Variants in SPTB observed in about 807,000 individuals in gnomAD.
SPTB encodes the protein spectrin beta, erythrocytic.
A neutral mutation model predicts 256.2 loss-of-function variants in SPTB; 45 were observed. That is an observed-to-expected ratio of 0.18 (90% CI 0.14 to 0.23). SPTB has a LOEUF of 0.23. SPTB is among the 10% of genes least tolerant of loss of function. SPTB has a pLI of 1.00. For missense variants in SPTB, 2,715 were observed against 3,040.4 expected (o/e 0.89, Z 2.52); for synonymous variants, 1,231 against 1,243.1 (o/e 0.99, Z 0.21).
intron 29 of SPTB, chr14:64,768,066 G>C (rs2082218758): frequency 1.6e-6 from 1 of 631,472 alleles, no homozygotes; most frequent in Non-Finnish European, 2.8e-6. Context: ...TTTAGAGGGA[G>C]GGCTTCAATC....
intron 12 of SPTB, 44 bp from the exon 13 acceptor site, chr14:64,794,661 G>C (rs745563986): frequency 2.5e-6 from 4 of 1,612,700 alleles, no homozygotes; most frequent in South Asian, 2.2e-5. Flanking sequence ...GAAGTGAAGA[G>C]ACCTACACAT....
At chr14:64,791,974 C>T (rs1026758736) in intron 14 of SPTB, 118 bp from the exon 15 acceptor site, 1 of 1,390,714 alleles carries the variant, frequency 7.2e-7, no homozygotes, top group Non-Finnish European at 9.9e-7. Flanking sequence ...ACTGCCTAAA[C>T]CATTTGCCCA....
At chr14:64,763,776 C>G in intron 32 of SPTB, 2 of 519,000 alleles carry the variant, frequency 3.9e-6, no homozygotes, top group South Asian at 2.8e-5. Context: ...AACGGATTGG[C>G]CTTTACCAGA....
Position 64,786,062 on chromosome 14 carries a change from C to A in SPTB, c.3562-111G>T. ...CCACACAGGCCACGGTATGAATGAG[C>A]CCCCTAGAGTAGTACAGGGAGGAGG... is the stretch of plus-strand genomic sequence containing the variant. On this transcript the variant is annotated intron_variant, in intron 16 of 35. Coordinates refer to ENST00000644917, the MANE Select transcript of SPTB (RefSeq NM_001355436.2). The surrounding 1 kb of genome is among the most constrained non-coding windows in gnomAD (Gnocchi z 5.6). 2 of 1,116,356 alleles carry A rather than the reference C, an allele frequency of 1.8e-6. No individual in the cohort carries two copies. The highest frequency in any genetic ancestry group is 1.3e-5 in the South Asian group (1 of 79,344). The allele number at this position is 1,116,356 out of a possible 1,614,324, so 69.2% of individuals were successfully genotyped here. A position where few individuals can be genotyped will look rare whatever the true frequency, so the allele number is the denominator to read the frequency against.
At position 64,785,694 on chromosome 14, in the gene SPTB, C is replaced by A. The variant is rs780101799; in HGVS notation, c.3764+55G>T. 6.2e-7 allele frequency: 1 copy of A among 1,613,176 alleles called. No homozygotes were observed. Among genetic ancestry groups the A allele is most frequent in the East Asian group, 2.2e-5 (1 of 44,850 alleles). ...TTGGGGTCCTCACCAAGCTTGGGGT[C>A]CTCACTACCCCCGTGTGGCTCTGGG... is the stretch of plus-strand genomic sequence containing the variant. On this transcript the variant is annotated intron_variant, in intron 17 of 35. Coordinates refer to ENST00000644917, the MANE Select transcript of SPTB (RefSeq NM_001355436.2). The surrounding 1 kb of genome is among the most constrained non-coding windows in gnomAD (Gnocchi z 4.4).
chr14:64,849,345 T>A (rs942857569), intron 1 of SPTB, among the ~76,000 whole-genome samples: 2 of 152,118 alleles, frequency 1.3e-5, no homozygotes, highest in African/African-American at 4.8e-5. Flanking sequence ...AGACGAGAGG[T>A]GGGTTAGCCC....
chr14:64,859,209 G>C (rs535593278), intron 1 of SPTB, among the ~76,000 whole-genome samples: 1 of 152,090 alleles, frequency 6.6e-6, no homozygotes, highest in Non-Finnish European at 1.5e-5. Flanking sequence ...AGCCAAGATC[G>C]CACCACTACA....
In SPTB at chr14:64,793,046, C is replaced by T. The variant is rs752212117; in HGVS notation, c.2617G>A (p.Glu873Lys). 1.5e-5 allele frequency: 25 copies of T among 1,613,870 alleles called. No individual in the cohort carries two copies. The highest frequency in any genetic ancestry group is 4.4e-5 in the South Asian group (4 of 91,094). ...WMGEKEKWLA[E>K]MEMPDTLEDL... Reference sequence around the variant, plus strand: ...TCCAGGGTGTCTGGCATTTCCATCTCGGCCAGCCACTTCTCCTTCTCTCCC... The same window carrying T: ...TCCAGGGTGTCTGGCATTTCCATCTTGGCCAGCCACTTCTCCTTCTCTCCC... Residue 873 changes from glutamate to lysine, a missense_variant, in exon 14 of 36, where the codon GAG becomes AAG. This residue lies in a region of SPTB where 2,239 missense variants were observed against 2,384.4 expected (regional missense o/e 0.94). Transcript: ENST00000644917. This position sits in a 1 kb window ranked among gnomAD's most constrained non-coding sequence, Gnocchi z 7.0.
chr14:64,829,880 T>C (rs12433757), intron 1 of SPTB, among the ~76,000 whole-genome samples: 13,155 of 152,174 alleles, frequency 0.086, 603 homozygotes, highest in African/African-American at 0.11. Flanking sequence ...ATAGGTAACC[T>C]GCCAGCCTTC....
At position 64,802,416 on chromosome 14, in the gene SPTB, C is replaced by T; in HGVS notation, c.475-99G>A. The T allele has an allele frequency of 4.5e-6, 5 of 1,103,798 alleles. No homozygotes were observed. Among genetic ancestry groups the T allele is most frequent in the Non-Finnish European group, 5.4e-6 (4 of 739,708 alleles). The allele number at this position is 1,103,798 out of a possible 1,614,324, so 68.4% of individuals were successfully genotyped here. On this transcript the variant is annotated intron_variant, in intron 4 of 35. Coordinates refer to ENST00000644917, the MANE Select transcript of SPTB (RefSeq NM_001355436.2). The surrounding 1 kb of genome is among the most constrained non-coding windows in gnomAD (Gnocchi z 5.1). ...GGCTCCCTCCCTCATCCCCCCTTCA[C>T]TTAACACTAATTCATCCTTTAAGAG...
chr14:64,767,840 G>A lies in SPTB; in HGVS notation c.6042C>T (p.Phe2014=). The change falls in exon 30 of 36, where the codon TTC becomes TTT. Residue 2014 remains phenylalanine, a synonymous_variant. Transcript: ENST00000644917. ...CCTCAGCCACAGAGGCATCCCTCGA[G>A]AACTGGCACACCTCCAGCACTGCCA... ...RLRMLLEVCQ[F]SRDASVAEAW... 6.2e-7 allele frequency: 1 copy of A among 1,613,970 alleles called. No homozygotes were observed. The highest frequency in any genetic ancestry group is 8.5e-7 in the Non-Finnish European group (1 of 1,179,948).
intron 15 of SPTB, among the ~76,000 whole-genome samples, chr14:64,789,825 A>G (rs2082639173): frequency 6.6e-6 from 1 of 152,226 alleles, no homozygotes; most frequent in Non-Finnish European, 1.5e-5. Flanking sequence ...GGAAAACTGG[A>G]AAGCAAGCGA....
intron 1 of SPTB, among the ~76,000 whole-genome samples, chr14:64,843,565 C>T (rs2083641396): frequency 6.6e-6 from 1 of 152,206 alleles, no homozygotes; most frequent in East Asian, 1.9e-4. Context: ...GTTTCCATCA[C>T]AACCCTTAGT....
In SPTB at chr14:64,793,226, A is replaced by G; in HGVS notation, c.2437T>C (p.Phe813Leu). 6.2e-7 allele frequency: 1 copy of G among 1,610,736 alleles called. No homozygotes were observed. The highest frequency in any genetic ancestry group is 1.1e-5 in the South Asian group (1 of 91,078). The change falls in exon 14 of 36, where the codon TTT (phenylalanine) becomes CTT (leucine). Residue 813 changes from phenylalanine to leucine, a missense_variant. By Grantham distance (22) the Phe-to-Leu change is conservative. This residue lies in a region of SPTB where 2,239 missense variants were observed against 2,384.4 expected (regional missense o/e 0.94). Transcript: ENST00000644917. This position sits in a 1 kb window ranked among gnomAD's most constrained non-coding sequence, Gnocchi z 7.0. Reference protein sequence around the residue: ...EQQAQGFPEEFRDSPDVTHRL... With the variant: ...EQQAQGFPEELRDSPDVTHRL... Reference sequence around the variant, plus strand: ...TGGGTCACATCTGGGGAATCCCGAAACTCTTCGGGGAATCCCTGGGCCTGC... The same window carrying G: ...TGGGTCACATCTGGGGAATCCCGAAGCTCTTCGGGGAATCCCTGGGCCTGC...
At chr14:64,769,796 C>G in intron 27 of SPTB, 68 bp from the exon 28 acceptor site, 1 of 1,605,860 alleles carries the variant, frequency 6.2e-7, no homozygotes, top group Non-Finnish European at 8.5e-7. Context: ...GTGTCCCAAC[C>G]AGAGGGGCCC....
At chr14:64,768,051 ATT>A in intron 29 of SPTB, 192 bp from the exon 30 acceptor site, 1 of 652,058 alleles carries the variant, frequency 1.5e-6, no homozygotes, top group Non-Finnish European at 2.7e-6. Flanking sequence ...CAATAGTTAT[ATT>A]TTTTTAGAGG....
chr14:64,754,292 C>T, intron 32 of SPTB: 1 of 229,762 alleles, frequency 4.4e-6, no homozygotes, highest in Non-Finnish European at 8.7e-6. Flanking sequence ...GCCTAAAGCC[C>T]TAAAACTAAG....
rs1292504376 is a variant in SPTB at position 64,759,280 on chromosome 14, C to T, written c.6346-5487G>A. On this transcript the variant is annotated intron_variant, in intron 32 of 35. Transcript: ENST00000644917. This position sits in a 1 kb window ranked among gnomAD's most constrained non-coding sequence, Gnocchi z 4.8. The stretch of plus-strand genomic sequence containing the variant: ...GGGAGCCAAGTAGCTGGGCAGGGAC[C>T]CACCCATGACCCCCTGGCTGCGAAC... 2.0e-5 allele frequency among the ~76,000 whole-genome samples: 3 copies of T among 152,026 alleles called. No individual in the cohort carries two copies. The highest frequency in any genetic ancestry group is 3.9e-4 in the East Asian group (2 of 5,192).
chr14:64,762,699 C>A (rs572710135), intron 32 of SPTB, among the ~76,000 whole-genome samples: 1 of 152,324 alleles, frequency 6.6e-6, no homozygotes, highest in East Asian at 1.9e-4. Context: ...TGGAAGGCCA[C>A]GCGGAAGAAT....
Sources: allele counts gnomAD v4.1 joint callset (sites outside exome capture counted in the v4.1 genomes callset), GRCh38; gene constraint gnomAD v4.1.1; regional missense constraint gnomAD v4.1.1; non-coding constraint Gnocchi (gnomAD v3.1); transcripts MANE v1.5; gene names NCBI Gene and HGNC (gene_info 2026-07-23, HGNC 2026-07-21).